Variants in FRMD4A observed in about 807,000 individuals in gnomAD.
FRMD4A encodes the protein FERM domain containing 4A, also known as FERM domain-containing protein 4A.
In FRMD4A, 29 loss-of-function variants were observed where a neutral mutation model predicts 129.1. The observed-to-expected ratio is 0.22, with a 90% CI of 0.17 to 0.31. The LOEUF (loss-of-function observed/expected upper bound fraction) is 0.31, where lower values mean the gene tolerates loss of function less well. Ranked by LOEUF, FRMD4A falls within the 10% of genes least tolerant of loss-of-function variation. The pLI is 1.00. For missense variants in FRMD4A, 1,272 were observed against 1,375.8 expected (o/e 0.92, Z 1.19); for synonymous variants, 634 against 571.6 (o/e 1.11, Z -1.56).
intron 24 of FRMD4A, among the ~76,000 whole-genome samples, chr10:13,650,373 A>AATGT (rs1401075910): frequency 6.6e-6 from 1 of 152,110 alleles, no homozygotes; most frequent in Non-Finnish European, 1.5e-5. Context: ...TGCTCAGTAT[A>AATGT]ATGTATGTGT....
intron 2 of FRMD4A, among the ~76,000 whole-genome samples, chr10:14,291,370 G>C (rs1482174623): frequency 2.0e-5 from 3 of 152,166 alleles, no homozygotes; most frequent in African/African-American, 7.2e-5. Flanking sequence ...ATTTTGAAAA[G>C]TGTAAGCAGG....
At chr10:13,688,665 T>C (rs59016855) in intron 15 of FRMD4A, among the ~76,000 whole-genome samples, 12,466 of 152,228 alleles carry the variant, frequency 0.082, 555 homozygotes, top group South Asian at 0.12. Context: ...TTTGAAATGC[T>C]AATCCGTGGC....
chr10:13,750,343 G>A (rs2091554031), intron 8 of FRMD4A, among the ~76,000 whole-genome samples: 1 of 152,172 alleles, frequency 6.6e-6, no homozygotes, highest in Admixed American at 6.5e-5. Flanking sequence ...TGAAGCCCCT[G>A]CCATTACATG....
intron 8 of FRMD4A, among the ~76,000 whole-genome samples, chr10:13,757,259 G>A (rs762222008): frequency 6.6e-6 from 1 of 152,166 alleles, no homozygotes; most frequent in Admixed American, 6.6e-5. Context: ...CCTGATTGTC[G>A]ACAGACATGA....
At chr10:14,022,646 T>C (rs1169039728) in intron 2 of FRMD4A, among the ~76,000 whole-genome samples, 1 of 151,934 alleles carries the variant, frequency 6.6e-6, no homozygotes, top group African/African-American at 2.4e-5. Context: ...GAGATGATAA[T>C]GGATGGAAGA....
Position 13,861,070 on chromosome 10 carries a change from C to T in FRMD4A, c.46-2158G>A, listed in dbSNP as rs1045580267. On this transcript the variant is annotated intron_variant, in intron 2 of 24. Coordinates refer to ENST00000357447, the MANE Select transcript of FRMD4A (RefSeq NM_018027.5). ...AAATGGAAGCAGGTGGCAGCACAGT[C>T]GCGGGCCGAAGGTGCCTACTGCACT... is the stretch of plus-strand genomic sequence containing the variant. Among the ~76,000 whole-genome samples the T allele has an allele frequency of 2.0e-5, 3 of 152,192 alleles. No homozygotes were observed. In the South Asian group the frequency reaches 6.2e-4, roughly 32 times the overall value.
At chr10:14,022,726 G>A (rs1372029209) in intron 2 of FRMD4A, among the ~76,000 whole-genome samples, 1 of 152,034 alleles carries the variant, frequency 6.6e-6, no homozygotes, top group Non-Finnish European at 1.5e-5. Flanking sequence ...TGCACACTGG[G>A]GCTATGAAAA....
At position 13,967,188 on chromosome 10, in the gene FRMD4A, T is replaced by C. The variant is rs571341830; in HGVS notation, c.46-108276A>G. ...TGTCTCTACTAAAAATACAAAAAAA[T>C]TAGCCAGGCTTGGTGGCGGGCGCCT... On this transcript the variant is annotated intron_variant, in intron 2 of 24. Transcript: ENST00000357447. Among the ~76,000 whole-genome samples, 916 of 152,212 alleles carry C rather than the reference T, an allele frequency of 6.0e-3. 16 individuals are homozygous for C. Among genetic ancestry groups the C allele is most frequent in the African/African-American group, 0.02 (842 of 41,534 alleles).
At position 13,659,419 on chromosome 10, in the gene FRMD4A, C is replaced by A; in HGVS notation, c.1970G>T (p.Ser657Ile). ...AGGGSNSLQN[S>I]PIRGLPHWNS... Reference sequence around the variant, plus strand: ...CCAGTGCGGGAGGCCGCGGATGGGGCTGTTCTGCAAGGAGTTGCTTCCTCC... The same window carrying A: ...CCAGTGCGGGAGGCCGCGGATGGGGATGTTCTGCAAGGAGTTGCTTCCTCC... The change falls in exon 21 of 25, where the codon AGC becomes ATC. Residue 657 changes from serine to isoleucine, a missense_variant. This residue lies in a region of FRMD4A where 972 missense variants were observed against 892.3 expected (regional missense o/e 1.09). Coordinates refer to ENST00000357447, the MANE Select transcript of FRMD4A (RefSeq NM_018027.5). 1 of 1,614,068 alleles carries A rather than the reference C, an allele frequency of 6.2e-7. No individual in the cohort carries two copies.
chr10:13,985,441 A>G lies in FRMD4A; in HGVS notation c.46-126529T>C, dbSNP rs778494216. 1.1e-4 allele frequency among the ~76,000 whole-genome samples: 16 copies of G among 152,198 alleles called. 1 individual carries two copies. Among genetic ancestry groups the G allele is most frequent in the Admixed American group, 6.5e-4 (10 of 15,290 alleles). On this transcript the variant is annotated intron_variant, in intron 2 of 24. Coordinates refer to ENST00000357447, the MANE Select transcript of FRMD4A (RefSeq NM_018027.5). Reference sequence around the variant, plus strand: ...GTGGCTACAGGCTGATTCTGGCTCTAGACTCATTTAAATCTCCTTGAATGT... The same window carrying G: ...GTGGCTACAGGCTGATTCTGGCTCTGGACTCATTTAAATCTCCTTGAATGT...
intron 2 of FRMD4A, among the ~76,000 whole-genome samples, chr10:14,143,735 C>T (rs1291590420): frequency 1.2e-4 from 18 of 152,106 alleles, no homozygotes; most frequent in Admixed American, 1.0e-3. Flanking sequence ...CTGCCTCAGC[C>T]TCCCCAGTAT....
At chr10:13,717,888 A>G (rs1393190623) in intron 12 of FRMD4A, among the ~76,000 whole-genome samples, 1 of 152,094 alleles carries the variant, frequency 6.6e-6, no homozygotes, top group African/African-American at 2.4e-5. Context: ...AGGGAAATAC[A>G]GGCATACACT....
At chr10:13,844,987 C>A (rs1425788549) in intron 3 of FRMD4A, among the ~76,000 whole-genome samples, 1 of 152,162 alleles carries the variant, frequency 6.6e-6, no homozygotes, top group Non-Finnish European at 1.5e-5. Context: ...TACAGTGTGC[C>A]TTCAGTACAG....
intron 22 of FRMD4A, chr10:13,655,359 T>A (rs900078966): frequency 5.3e-5 from 8 of 151,818 alleles, no homozygotes; most frequent in Admixed American, 6.5e-5. Context: ...TTACAAAACG[T>A]TGGTTCTTTA....
rs545598239 is a variant in FRMD4A, at chr10:13,837,295, G to C, written c.111+21552C>G. Among the ~76,000 whole-genome samples, 3 of 152,268 alleles carry C rather than the reference G, an allele frequency of 2.0e-5. No individual in the cohort carries two copies. In the East Asian group the frequency reaches 5.8e-4, roughly 29 times the overall value. ...CTTTCTCCCTCCCTTAATATGGTCA[G>C]TGAGCTGCAAAGAAACTTCTCCCAA... On this transcript the variant is annotated intron_variant, in intron 3 of 24. Transcript: ENST00000357447.
At chr10:13,735,465 C>A (rs907201776) in intron 12 of FRMD4A, among the ~76,000 whole-genome samples, 1 of 152,270 alleles carries the variant, frequency 6.6e-6, no homozygotes, top group Non-Finnish European at 1.5e-5. Context: ...TATCTTGAAG[C>A]CTGTTTTAGC....
intron 9 of FRMD4A, among the ~76,000 whole-genome samples, chr10:13,743,130 G>A (rs1243364763): frequency 6.6e-6 from 1 of 152,134 alleles, no homozygotes; most frequent in African/African-American, 2.4e-5. Context: ...CACTTCTGTG[G>A]GGTCTGGATA....
chr10:13,666,052 GC>G (rs770708859), intron 18 of FRMD4A, 44 bp downstream of exon 18: 7 of 1,196,810 alleles, frequency 5.8e-6, no homozygotes, highest in South Asian at 4.9e-5. Context: ...GGTTGCCGGG[GC>G]CCGGGCGTGG....
At chr10:14,054,066 G>A (rs1237618536) in intron 2 of FRMD4A, among the ~76,000 whole-genome samples, 1 of 151,860 alleles carries the variant, frequency 6.6e-6, no homozygotes, top group African/African-American at 2.4e-5. Flanking sequence ...TTGGGAGGGT[G>A]AGGTGGGATG....
Sources: allele counts gnomAD v4.1 joint callset (sites outside exome capture counted in the v4.1 genomes callset), GRCh38; gene constraint gnomAD v4.1.1; regional missense constraint gnomAD v4.1.1; transcripts MANE v1.5; gene names NCBI Gene and HGNC (gene_info 2026-07-23, HGNC 2026-07-21).